CNTLN: variants seen among roughly 807,000 people sequenced by gnomAD.
CNTLN encodes centlein, centrosomal protein.
A neutral mutation model predicts 180.0 loss-of-function variants in CNTLN; 212 were observed. The observed-to-expected ratio is 1.18, with a 90% CI of 1.05 to 1.32. CNTLN has a LOEUF of 1.32. Ranked by LOEUF, CNTLN falls within the 40% of genes most tolerant of loss-of-function variation. CNTLN has a pLI of 0.00. For synonymous variants in CNTLN, 722 were observed against 563.1 expected (o/e 1.28, Z -3.99); for missense variants, 2,095 against 1,610.9 (o/e 1.30, Z -5.14).
chr9:17,219,988 A>C (rs1824022116), intron 2 of CNTLN, among the ~76,000 whole-genome samples: 1 of 151,974 alleles, frequency 6.6e-6, no homozygotes, highest in East Asian at 1.9e-4. Context: ...ACCTCCAAAT[A>C]CTATGACATT....
chr9:17,179,243 C>CA (rs775986829), intron 2 of CNTLN, among the ~76,000 whole-genome samples: 5,398 of 61,816 alleles, frequency 0.087, 201 homozygotes, highest in South Asian at 0.14. Flanking sequence ...GACTCCGTCT[C>CA]AAAAAAAAAA....
intron 6 of CNTLN, among the ~76,000 whole-genome samples, chr9:17,292,334 T>G (rs1829471609): frequency 6.6e-6 from 1 of 152,176 alleles, no homozygotes; most frequent in Non-Finnish European, 1.5e-5. Flanking sequence ...ATTTCATGAA[T>G]TTGAATGTTG....
intron 2 of CNTLN, among the ~76,000 whole-genome samples, chr9:17,206,571 G>T (rs1484787449): frequency 1.3e-5 from 2 of 152,134 alleles, no homozygotes; most frequent in Non-Finnish European, 2.9e-5. Flanking sequence ...TGCTTATCCT[G>T]TATCTGTAAT....
intron 8 of CNTLN, among the ~76,000 whole-genome samples, chr9:17,329,853 A>T (rs529421776): frequency 6.6e-6 from 1 of 151,506 alleles, no homozygotes; most frequent in African/African-American, 2.4e-5. Context: ...AAGATTTGAC[A>T]TTTGTTTGCC....
At chr9:17,455,534 A>G (rs1397177776) in intron 18 of CNTLN, among the ~76,000 whole-genome samples, 1 of 152,216 alleles carries the variant, frequency 6.6e-6, no homozygotes, top group Non-Finnish European at 1.5e-5. Context: ...AAGATTAGAC[A>G]GAAATCTAGT....
chr9:17,447,286 G>A, intron 18 of CNTLN: 1 of 205,304 alleles, frequency 4.9e-6, no homozygotes, highest in East Asian at 1.2e-4. Flanking sequence ...CATAAAACTG[G>A]CAGATACATT....
chr9:17,254,781 A>T (rs1826371813), intron 5 of CNTLN, among the ~76,000 whole-genome samples: 1 of 151,588 alleles, frequency 6.6e-6, no homozygotes, highest in Non-Finnish European at 1.5e-5. Flanking sequence ...GTTGCTTAAG[A>T]TTTCATATGA....
chr9:17,195,054 A>T (rs1822043264), intron 2 of CNTLN, among the ~76,000 whole-genome samples: 1 of 152,266 alleles, frequency 6.6e-6, no homozygotes, highest in Non-Finnish European at 1.5e-5. Flanking sequence ...CGTGGGAATT[A>T]TGGGAGTACA....
chr9:17,346,637 T>G (rs1262418609), intron 12 of CNTLN, among the ~76,000 whole-genome samples: 1 of 152,226 alleles, frequency 6.6e-6, no homozygotes, highest in Non-Finnish European at 1.5e-5. Flanking sequence ...TCTGTTTACT[T>G]GCTTTCAATC....
intron 23 of CNTLN, among the ~76,000 whole-genome samples, chr9:17,472,152 C>T (rs2134242355): frequency 6.6e-6 from 1 of 152,218 alleles, no homozygotes; most frequent in East Asian, 1.9e-4. Context: ...AACAACACTA[C>T]TCATTATGTA....
chr9:17,301,968 T>C, intron 7 of CNTLN: 1 of 960,844 alleles, frequency 1.0e-6, no homozygotes, highest in Non-Finnish European at 1.2e-6. Context: ...ATATAATTTA[T>C]TTTTCTACTG....
chr9:17,278,494 C>T (rs1828458412), intron 6 of CNTLN, among the ~76,000 whole-genome samples: 1 of 152,100 alleles, frequency 6.6e-6, no homozygotes, highest in African/African-American at 2.4e-5. Context: ...TGTCTTTCCT[C>T]AAACAGATTT....
chr9:17,275,877 A>G (rs1033338971), intron 6 of CNTLN, among the ~76,000 whole-genome samples: 1 of 152,130 alleles, frequency 6.6e-6, no homozygotes, highest in Non-Finnish European at 1.5e-5. Flanking sequence ...GAATTAATGC[A>G]GGAACAAAAA....
At chr9:17,144,272 C>G (rs942199109) in intron 2 of CNTLN, among the ~76,000 whole-genome samples, 2 of 152,130 alleles carry the variant, frequency 1.3e-5, no homozygotes, top group East Asian at 3.9e-4. Flanking sequence ...ATAGTATAAT[C>G]AGTTTCTTCT....
chr9:17,137,502 C>A (rs1817800430), intron 1 of CNTLN, among the ~76,000 whole-genome samples: 1 of 152,084 alleles, frequency 6.6e-6, no homozygotes, highest in Admixed American at 6.6e-5. Flanking sequence ...AATTTTGTAT[C>A]TCAATCTAGT....
In CNTLN at chr9:17,143,338, C is replaced by A; in HGVS notation, c.411C>A (p.Asn137Lys). 6.2e-7 allele frequency: 1 copy of A among 1,613,644 alleles called. No individual in the cohort carries two copies. The highest frequency in any genetic ancestry group is 8.5e-7 in the Non-Finnish European group (1 of 1,179,728). Reference sequence around the variant, plus strand: ...TGTGGAAACGTCTCCAGGTTACAAACCCAGATCTCACACAAGTGGTCAGTT... The same window carrying A: ...TGTGGAAACGTCTCCAGGTTACAAAACCAGATCTCACACAAGTGGTCAGTT... The part of the protein sequence containing the change: ...WSLWKRLQVT[N>K]PDLTQVVSLV... Residue 137 changes from asparagine to lysine, a missense_variant, in exon 2 of 26, where the codon AAC becomes AAA. Coordinates refer to ENST00000380647, the MANE Select transcript of CNTLN (RefSeq NM_017738.4).
At chr9:17,474,720 T>C (rs550417733) in intron 23 of CNTLN, among the ~76,000 whole-genome samples, 1 of 151,948 alleles carries the variant, frequency 6.6e-6, no homozygotes, top group East Asian at 1.9e-4. Flanking sequence ...AATACAAAAT[T>C]AGCCAGGCAT....
intron 2 of CNTLN, among the ~76,000 whole-genome samples, chr9:17,169,875 A>AGTCCT (rs1442171077): frequency 6.6e-6 from 1 of 152,160 alleles, no homozygotes; most frequent in African/African-American, 2.4e-5. Flanking sequence ...TGCTTTAGCT[A>AGTCCT]GTCATGATCT....
At chr9:17,302,665 A>T (rs1308534798) in intron 7 of CNTLN, among the ~76,000 whole-genome samples, 2 of 152,204 alleles carry the variant, frequency 1.3e-5, no homozygotes, top group African/African-American at 4.8e-5. Context: ...CACTTTGGAT[A>T]ATGCAATTTA....
Sources: allele counts gnomAD v4.1 joint callset (sites outside exome capture counted in the v4.1 genomes callset), GRCh38; gene constraint gnomAD v4.1.1; transcripts MANE v1.5; gene names NCBI Gene and HGNC (gene_info 2026-07-23, HGNC 2026-07-21).